CD163L1: variants seen among roughly 807,000 people sequenced by gnomAD.
CD163L1 encodes CD163 molecule like 1, also known as scavenger receptor cysteine-rich type 1 protein M160.
A neutral mutation model predicts 165.4 loss-of-function variants in CD163L1; 124 were observed. That is an observed-to-expected ratio of 0.75 (90% CI 0.65 to 0.87). The LOEUF (loss-of-function observed/expected upper bound fraction) is 0.87. Ranked by LOEUF, CD163L1 falls within the 40% of genes least tolerant of loss-of-function variation. The pLI, the probability that CD163L1 is intolerant of heterozygous loss-of-function variation, is 0.00. For missense variants in CD163L1, 1,525 were observed against 1,799.9 expected, an observed-to-expected ratio of 0.85 and a Z score of 2.76; for synonymous variants, 585 against 662.2, an observed-to-expected ratio of 0.88 and a Z score of 1.79.
the CD163L1 span, among the ~76,000 whole-genome samples, chr12:7,332,137 C>T: frequency 4.6e-5 from 7 of 152,094 alleles, no homozygotes; most frequent in Non-Finnish European, 7.4e-5. Flanking sequence ...GTGACGAATG[C>T]ACAAGCCTCA....
chr12:7,418,669 A>C (rs997334273), intron 4 of CD163L1, among the ~76,000 whole-genome samples: 1 of 152,058 alleles, frequency 6.6e-6, no homozygotes, highest in Admixed American at 6.6e-5. Context: ...GATCCAAATA[A>C]GCTCAAATAG....
rs1947061183 is a variant in CD163L1, at chr12:7,368,145, C to G, written c.4125G>C (p.Leu1375=). ...GGCACCACGTGAGAAATAGAATAAA[C>G]AGAACCAGGAGAAGGAGCCCAAAGA... is the stretch of plus-strand genomic sequence containing the variant. ...SSIFGLLLLV[L]FILFLTWCRV... Residue 1375 remains leucine (L), a synonymous_variant, in exon 17 of 20, where the codon CTG becomes CTC. Coordinates refer to ENST00000313599, the MANE Select transcript of CD163L1 (RefSeq NM_174941.6). This position sits in a 1 kb window ranked among gnomAD's most constrained non-coding sequence, Gnocchi z 4.3. The G allele has an allele frequency of 6.2e-7, 1 of 1,612,888 alleles. No homozygotes were observed. The highest frequency in any genetic ancestry group is 2.2e-5 in the East Asian group (1 of 44,854).
intron 8 of CD163L1, among the ~76,000 whole-genome samples, chr12:7,383,903 T>C (rs1947462727): frequency 6.6e-6 from 1 of 151,870 alleles, no homozygotes; most frequent in Non-Finnish European, 1.5e-5. Flanking sequence ...ACAAGAAACA[T>C]AAAAAGGCAA....
chr12:7,335,369 C>T, the CD163L1 span, among the ~76,000 whole-genome samples: 15 of 152,200 alleles, frequency 9.9e-5, no homozygotes, highest in South Asian at 3.1e-3. Flanking sequence ...TTTGACAAAC[C>T]TGACAAAAAC....
intron 2 of CD163L1, among the ~76,000 whole-genome samples, chr12:7,434,067 C>T (rs1156322731): frequency 6.6e-6 from 1 of 152,120 alleles, no homozygotes; most frequent in African/African-American, 2.4e-5. Flanking sequence ...CTGAGGAGTC[C>T]ACCTCACATT....
chr12:7,433,987 T>C (rs764469922), intron 2 of CD163L1, among the ~76,000 whole-genome samples: 1 of 152,212 alleles, frequency 6.6e-6, no homozygotes, highest in South Asian at 2.1e-4. Context: ...ACAGAAAAGG[T>C]AAGGTTTGCT....
chr12:7,424,279 C>T (rs1948498052), intron 4 of CD163L1, among the ~76,000 whole-genome samples: 1 of 64,532 alleles, frequency 1.5e-5, no homozygotes, highest in South Asian at 5.3e-4. Flanking sequence ...ATTCAACATC[C>T]CTTCATGGTA....
intron 14 of CD163L1, among the ~76,000 whole-genome samples, chr12:7,370,252 C>G (rs1393690116): frequency 6.6e-6 from 1 of 152,202 alleles, no homozygotes; most frequent in Non-Finnish European, 1.5e-5. Flanking sequence ...CTCTCTACCT[C>G]CTTTAAGCCG....
rs1477698640 is a variant in CD163L1 at position 7,374,539 on chromosome 12, G to C, written c.3312C>G (p.Asn1104Lys). Residue 1104 changes from asparagine (N) to lysine (K), a missense_variant, in exon 13 of 20, where the codon AAC (asparagine) becomes AAG (lysine). Physicochemically the swap from Asn to Lys is moderately conservative, Grantham distance 94. Coordinates refer to ENST00000313599, the MANE Select transcript of CD163L1 (RefSeq NM_174941.6). The surrounding 1 kb of genome is among the most constrained non-coding windows in gnomAD (Gnocchi z 5.4). ...ACAAGTGGGACTCCATTCCTGTGCA[G>C]TTCAGGTCATCCAGCCAGATGGGCC... ...GSGPIWLDDLNCTGMESHLWQ... is the reference protein window; with the variant it reads ...GSGPIWLDDLKCTGMESHLWQ... The C allele has an allele frequency of 6.2e-7, 1 of 1,614,204 alleles. No individual in the cohort carries two copies. The highest frequency in any genetic ancestry group is 1.3e-5 in the African/African-American group (1 of 75,056).
chr12:7,406,901 A>G (rs150016896), intron 4 of CD163L1, 49 bp from the exon 5 acceptor site: 28 of 1,538,356 alleles, frequency 1.8e-5, no homozygotes, highest in Middle Eastern at 3.4e-4. Context: ...TTGATCAGAA[A>G]CTTCAGATTC....
chr12:7,419,429 T>G (rs1948306385), intron 4 of CD163L1, among the ~76,000 whole-genome samples: 1 of 152,014 alleles, frequency 6.6e-6, no homozygotes, highest in South Asian at 2.1e-4. Flanking sequence ...ATTGAAAGCA[T>G]TCCCCCGAGA....
At chr12:7,380,387 ATATGCGTATACACACATGTATGTGTG>A (rs1947370894) in intron 8 of CD163L1, among the ~76,000 whole-genome samples, 2 of 141,346 alleles carry the variant, frequency 1.4e-5, no homozygotes, top group African/African-American at 2.7e-5. Context: ...GTATGTGTGT[ATATGCGTATACACACATGTATGTGTG>A]TATATATATA....
At chr12:7,401,677 G>C (rs919957222) in intron 6 of CD163L1, among the ~76,000 whole-genome samples, 1 of 151,944 alleles carries the variant, frequency 6.6e-6, no homozygotes, top group Non-Finnish European at 1.5e-5. Context: ...ATTAGTAATG[G>C]CCATGTGGAA....
At chr12:7,330,592 T>C in the CD163L1 span, among the ~76,000 whole-genome samples, 1 of 152,220 alleles carries the variant, frequency 6.6e-6, no homozygotes, top group Non-Finnish European at 1.5e-5. Context: ...GTTCACTCTC[T>C]TCCTTCAGAG....
At chr12:7,401,819 T>A (rs754903863) in intron 6 of CD163L1, among the ~76,000 whole-genome samples, 1 of 152,078 alleles carries the variant, frequency 6.6e-6, no homozygotes, top group Non-Finnish European at 1.5e-5. Flanking sequence ...AAAAATTATT[T>A]TTTTTTTGTA....
At chr12:7,402,269 G>A (rs1425101450) in intron 6 of CD163L1, among the ~76,000 whole-genome samples, 2 of 151,848 alleles carry the variant, frequency 1.3e-5, no homozygotes, top group African/African-American at 4.8e-5. Context: ...TTAGTTTAAG[G>A]GTGTGGGAAA....
At chr12:7,409,372 T>C (rs1047026661) in intron 4 of CD163L1, among the ~76,000 whole-genome samples, 12 of 152,114 alleles carry the variant, frequency 7.9e-5, no homozygotes, top group African/African-American at 2.9e-4. Flanking sequence ...CGAAGACTGC[T>C]TTTGTGGAAA....
At chr12:7,426,884 C>A (rs1276698783) in intron 4 of CD163L1, among the ~76,000 whole-genome samples, 1 of 151,958 alleles carries the variant, frequency 6.6e-6, no homozygotes, top group African/African-American at 2.4e-5. Flanking sequence ...TAAATGGCAA[C>A]CAAAAGTAAG....
chr12:7,322,188 C>T, the CD163L1 span, among the ~76,000 whole-genome samples: 1 of 152,188 alleles, frequency 6.6e-6, no homozygotes, highest in Non-Finnish European at 1.5e-5. Context: ...TCTCCTCCAC[C>T]TGCTAAAATG....
Sources: gnomAD v4.1 joint callset for allele counts (sites outside exome capture counted in the v4.1 genomes callset) on GRCh38, gnomAD v4.1.1 for gene constraint, Gnocchi (gnomAD v3.1) non-coding constraint, MANE v1.5 for transcripts, NCBI Gene and HGNC (gene_info 2026-07-23, HGNC 2026-07-21) for gene names.